NEO1: variants seen among roughly 807,000 people sequenced by gnomAD.
NEO1 encodes neogenin.
NEO1 carries 63 observed loss-of-function variants against 159.7 expected under a neutral mutation model. The ratio of observed to expected loss-of-function variants is 0.39; its 90% confidence interval spans 0.32 to 0.49. NEO1 has a LOEUF of 0.49. Among genes scored for constraint, NEO1 ranks in the 20% least tolerant of loss-of-function variants. The pLI is 0.85. For missense variants in NEO1, 1,615 were observed against 1,831.0 expected (o/e 0.88, Z 2.15); for synonymous variants, 633 against 662.0 (o/e 0.96, Z 0.67).
chr15:73,101,508 C>G (rs1468381325), intron 1 of NEO1, among the ~76,000 whole-genome samples: 1 of 152,204 alleles, frequency 6.6e-6, no homozygotes, highest in Non-Finnish European at 1.5e-5. Context: ...CTCCCCAATC[C>G]TAATCTCTGC....
At chr15:73,267,218 A>T (rs1298768393) in intron 16 of NEO1, among the ~76,000 whole-genome samples, 1 of 152,222 alleles carries the variant, frequency 6.6e-6, no homozygotes, top group South Asian at 2.1e-4. Flanking sequence ...AGATCGTGCC[A>T]CTGCACTCCA....
chr15:73,115,061 T>C (rs2071222764), intron 1 of NEO1, among the ~76,000 whole-genome samples: 1 of 152,158 alleles, frequency 6.6e-6, no homozygotes, highest in Non-Finnish European at 1.5e-5. Context: ...ACTTTTTTTT[T>C]TTGAGACGGA....
At chr15:73,205,971 G>A (rs1018204695) in intron 7 of NEO1, among the ~76,000 whole-genome samples, 4 of 151,820 alleles carry the variant, frequency 2.6e-5, no homozygotes, top group Non-Finnish European at 4.4e-5. Context: ...GCAGTGGTGC[G>A]ATCTCGGCTC....
rs1206367949 is a variant in NEO1 at position 73,274,677 on chromosome 15, T to G, written c.3161-15T>G. The G allele has an allele frequency of 6.2e-7, 1 of 1,613,794 alleles. No individual in the cohort carries two copies. The highest frequency in any genetic ancestry group is 8.5e-7 in the Non-Finnish European group (1 of 1,179,884). ...CTTGCTCTTGTTTTTTCTTCCCCTGTGCTTGGCCTGTTAGCGGACTCCTCT... is the reference window on the plus strand; with the variant it reads ...CTTGCTCTTGTTTTTTCTTCCCCTGGGCTTGGCCTGTTAGCGGACTCCTCT... On this transcript the variant is annotated splice_polypyrimidine_tract_variant and intron_variant, in intron 20 of 28. Transcript: ENST00000261908.
At chr15:73,271,022 A>G (rs1191151983) in intron 18 of NEO1, among the ~76,000 whole-genome samples, 1 of 152,192 alleles carries the variant, frequency 6.6e-6, no homozygotes, top group African/African-American at 2.4e-5. Context: ...TTCCTAGTCT[A>G]GGGATATGCA....
At chr15:73,192,788 G>A (rs2036309423) in intron 7 of NEO1, among the ~76,000 whole-genome samples, 1 of 151,898 alleles carries the variant, frequency 6.6e-6, no homozygotes, top group Non-Finnish European at 1.5e-5. Flanking sequence ...GTCCTTGTAT[G>A]TGTAAGAAAG....
chr15:73,178,878 A>G (rs1471725580), intron 7 of NEO1, among the ~76,000 whole-genome samples: 1 of 152,194 alleles, frequency 6.6e-6, no homozygotes, highest in Non-Finnish European at 1.5e-5. Flanking sequence ...GGCTGTTGGC[A>G]CAAAATAGTC....
At chr15:73,101,437 ACT>A (rs1278391851) in intron 1 of NEO1, among the ~76,000 whole-genome samples, 1 of 151,330 alleles carries the variant, frequency 6.6e-6, no homozygotes, top group East Asian at 2.0e-4. Flanking sequence ...TCTCTTTCCC[ACT>A]CTCTCTCTGC....
intron 12 of NEO1, among the ~76,000 whole-genome samples, chr15:73,254,157 T>C (rs1358301103): frequency 6.6e-6 from 1 of 151,908 alleles, no homozygotes; most frequent in Non-Finnish European, 1.5e-5. Flanking sequence ...GCTACTACAC[T>C]ATAGCCTGGG....
chr15:73,134,798 C>A (rs2031563836), intron 4 of NEO1, among the ~76,000 whole-genome samples: 1 of 151,994 alleles, frequency 6.6e-6, no homozygotes. Flanking sequence ...CACCTGGGGT[C>A]AGGAGTTTGA....
At position 73,052,629 on chromosome 15, in the gene NEO1, G is replaced by T; in HGVS notation, c.-47G>T. 1 of 1,179,202 alleles carries T rather than the reference G, an allele frequency of 8.5e-7. No individual in the cohort carries two copies. The highest frequency in any genetic ancestry group is 1.1e-6 in the Non-Finnish European group (1 of 945,214). 73.0% of individuals were successfully genotyped at this position (1,179,202 alleles called of 1,614,324 possible). On this transcript the variant is annotated 5_prime_UTR_variant, in exon 1 of 29. Coordinates refer to ENST00000261908, the MANE Select transcript of NEO1 (RefSeq NM_002499.4). Reference sequence around the variant, plus strand: ...GCGCGCGGGAGGGAAGGAGGCAAGGGCTCCGCGGCGCTGTCGCCGCCGCTG... The same window carrying T: ...GCGCGCGGGAGGGAAGGAGGCAAGGTCTCCGCGGCGCTGTCGCCGCCGCTG...
chr15:73,194,902 T>A (rs1190745356), intron 7 of NEO1, among the ~76,000 whole-genome samples: 2 of 152,216 alleles, frequency 1.3e-5, no homozygotes, highest in African/African-American at 4.8e-5. Context: ...TCTACTTAGC[T>A]TAAGGAGGTT....
At chr15:73,105,164 C>G (rs778147974) in intron 1 of NEO1, among the ~76,000 whole-genome samples, 1 of 152,136 alleles carries the variant, frequency 6.6e-6, no homozygotes, top group Non-Finnish European at 1.5e-5. Flanking sequence ...CATTAACTAA[C>G]TTAAGTACAA....
chr15:73,125,045 A>C (rs949685773), intron 3 of NEO1, among the ~76,000 whole-genome samples: 1 of 152,216 alleles, frequency 6.6e-6, no homozygotes, highest in Non-Finnish European at 1.5e-5. Context: ...CTAGGGTAGC[A>C]TTTAAGCAAA....
At chr15:73,103,375 A>G (rs1313710892) in intron 1 of NEO1, among the ~76,000 whole-genome samples, 1 of 152,158 alleles carries the variant, frequency 6.6e-6, no homozygotes, top group Middle Eastern at 3.2e-3. Flanking sequence ...TTCTTTGAGT[A>G]CTTTGCCACT....
chr15:73,196,391 C>G (rs185471220), intron 7 of NEO1, among the ~76,000 whole-genome samples: 18 of 152,326 alleles, frequency 1.2e-4, no homozygotes, highest in African/African-American at 4.3e-4. Flanking sequence ...AGAACCTACA[C>G]ATATTTAAAA....
intron 1 of NEO1, among the ~76,000 whole-genome samples, chr15:73,067,311 G>A (rs796703803): frequency 1.1e-4 from 16 of 152,130 alleles, no homozygotes; most frequent in African/African-American, 3.1e-4. Context: ...TAAATTTTCC[G>A]GGGAAATTTT....
chr15:73,291,190 G>A (rs2042151627), intron 25 of NEO1, among the ~76,000 whole-genome samples: 1 of 152,124 alleles, frequency 6.6e-6, no homozygotes, highest in African/African-American at 2.4e-5. Context: ...AGTTGCTTCT[G>A]ATTGATCAAG....
intron 1 of NEO1, among the ~76,000 whole-genome samples, chr15:73,114,701 T>G (rs2071200648): frequency 6.6e-6 from 1 of 152,206 alleles, no homozygotes; most frequent in Non-Finnish European, 1.5e-5. Context: ...GAATGTATTT[T>G]ATTATCAGTA....
Sources: allele counts gnomAD v4.1 joint callset (sites outside exome capture counted in the v4.1 genomes callset), GRCh38; gene constraint gnomAD v4.1.1; transcripts MANE v1.5; gene names NCBI Gene and HGNC (gene_info 2026-07-23, HGNC 2026-07-21).